Variants in NUDT16 observed in about 807,000 individuals in gnomAD.
NUDT16 encodes U8 snoRNA-decapping enzyme.
NUDT16 carries 12 observed loss-of-function variants against 11.7 expected under a neutral mutation model. The observed-to-expected ratio is 1.03, with a 90% CI of 0.66 to 1.67. The LOEUF (loss-of-function observed/expected upper bound fraction) is 1.67, where lower values mean the gene tolerates loss of function less well. Ranked by LOEUF, NUDT16 falls within the 40% of genes most tolerant of loss-of-function variation. NUDT16 has a pLI of 0.00. For synonymous variants in NUDT16, 129 were observed against 122.6 expected, an observed-to-expected ratio of 1.05 and a Z score of -0.35; for missense variants, 303 against 268.9, an observed-to-expected ratio of 1.13 and a Z score of -0.89.
At chr3:131,381,721 C>T (rs982514120), upstream of NUDT16, 24 of 1,443,688 alleles carry the variant, frequency 1.7e-5, no homozygotes, top group Admixed American at 2.3e-4. Context: ...CCTTGCAGCA[C>T]CGCCCAGGCT....
In NUDT16 at chr3:131,384,832, C is replaced by T. The variant is rs2097458946; in HGVS notation, c.*1491C>T. ...AGATGTTTTCCTAGGTGTTGGAAAA[C>T]AGGTTGATTAAGGCAACAGCAGAAG... On this transcript the variant is annotated 3_prime_UTR_variant, in exon 3 of 3. Transcript: ENST00000521288. 6.6e-6 allele frequency: 1 copy of T among 152,204 alleles called. No homozygotes were observed. Among genetic ancestry groups the T allele is most frequent in the African/African-American group, 2.4e-5 (1 of 41,392 alleles). The allele number at this position is 152,204 out of a possible 1,614,324, so 9.4% of individuals were successfully genotyped here.
Position 131,383,530 on chromosome 3 carries a change from G to T in NUDT16, c.*189G>T. Reference sequence around the variant, plus strand: ...CAACTTATGGCATCAGGGGCAAAAAGTCACAGCTTATCCCAGGCACCCTGG... The same window carrying T: ...CAACTTATGGCATCAGGGGCAAAAATTCACAGCTTATCCCAGGCACCCTGG... On this transcript the variant is annotated 3_prime_UTR_variant, in exon 3 of 3. Transcript: ENST00000521288. The surrounding 1 kb of genome is among the most constrained non-coding windows in gnomAD (Gnocchi z 4.4). 2.9e-6 allele frequency: 4 copies of T among 1,374,974 alleles called. No individual in the cohort carries two copies. Among genetic ancestry groups the T allele is most frequent in the Non-Finnish European group, 3.9e-6 (4 of 1,027,202 alleles). 85.2% of individuals were successfully genotyped at this position (1,374,974 alleles called of 1,614,324 possible).
chr3:131,383,737 C>T lies in NUDT16; in HGVS notation c.*396C>T, dbSNP rs114241756. 9.3e-3 allele frequency: 3,947 copies of T among 426,022 alleles called. 33 individuals are homozygous for T. The highest frequency in any genetic ancestry group is 0.013 in the Non-Finnish European group (3,120 of 232,184). The allele number at this position is 426,022 out of a possible 1,614,324, so 26.4% of individuals were successfully genotyped here. A position where few individuals can be genotyped will look rare whatever the true frequency, so the allele number is the denominator to read the frequency against. ...CCCTGATTGCAAGGAGCTTCTGAAG[C>T]AAGGGTGAATCCTTCCCACACTCCT... On this transcript the variant is annotated 3_prime_UTR_variant, in exon 3 of 3. Coordinates refer to ENST00000521288, the MANE Select transcript of NUDT16 (RefSeq NM_152395.3). The surrounding 1 kb of genome is among the most constrained non-coding windows in gnomAD (Gnocchi z 4.4).
rs2097461067 is a variant in NUDT16 at position 131,388,056 on chromosome 3, G to A, written c.*4715G>A. On this transcript the variant is annotated 3_prime_UTR_variant, in exon 3 of 3. Transcript: ENST00000521288. Reference sequence around the variant, plus strand: ...TGAAATGAGGTGAGAGAAAAGATAAGACATGCAGGAACAGCTGGCAACACC... The same window carrying A: ...TGAAATGAGGTGAGAGAAAAGATAAAACATGCAGGAACAGCTGGCAACACC... 6.6e-6 allele frequency: 1 copy of A among 152,158 alleles called. No homozygotes were observed. Among genetic ancestry groups the A allele is most frequent in the South Asian group, 2.1e-4 (1 of 4,820 alleles). 9.4% of individuals were successfully genotyped at this position (152,158 alleles called of 1,614,324 possible).
At chr3:131,381,751 A>T (rs1007785381), upstream of NUDT16, 1 of 1,521,482 alleles carries the variant, frequency 6.6e-7, no homozygotes, top group East Asian at 2.5e-5. Flanking sequence ...CCGAGGTGAG[A>T]CCCGCCCCTC....
chr3:131,387,965 C>G lies in NUDT16; in HGVS notation c.*4624C>G, dbSNP rs1047634383. The G allele has an allele frequency of 2.0e-5, 3 of 152,166 alleles. No individual in the cohort carries two copies. Among genetic ancestry groups the G allele is most frequent in the African/African-American group, 2.4e-5 (1 of 41,430 alleles). 9.4% of individuals were successfully genotyped at this position (152,166 alleles called of 1,614,324 possible). ...AGATGCACGTGATAAAGACCATGCT[C>G]TGGAAGATTCATTCCAAGGAGTAGA... On this transcript the variant is annotated 3_prime_UTR_variant, in exon 3 of 3. Coordinates refer to ENST00000521288, the MANE Select transcript of NUDT16 (RefSeq NM_152395.3).
rs1226920916 is a variant in NUDT16 at position 131,384,653 on chromosome 3, A to T, written c.*1312A>T. On this transcript the variant is annotated 3_prime_UTR_variant, in exon 3 of 3. Coordinates refer to ENST00000521288, the MANE Select transcript of NUDT16 (RefSeq NM_152395.3). The stretch of plus-strand genomic sequence containing the variant: ...GGAAGAGACACAGTCCTGCAGCCTC[A>T]TATGGCTCAATAAAACAGAAAGGGG... The T allele has an allele frequency of 6.6e-6, 1 of 152,260 alleles. No individual in the cohort carries two copies. Among genetic ancestry groups the T allele is most frequent in the Non-Finnish European group, 1.5e-5 (1 of 68,066 alleles). 9.4% of individuals were successfully genotyped at this position (152,260 alleles called of 1,614,324 possible).
intron 2 of NUDT16, chr3:131,382,895 G>A: frequency 1.6e-6 from 1 of 606,476 alleles, no homozygotes; most frequent in Non-Finnish European, 2.7e-6. Flanking sequence ...GACAACCACT[G>A]GTGAAAGGGT....
In NUDT16 at chr3:131,382,041, C is replaced by CGCAGAT; in HGVS notation, c.143_148dup. The CGCAGAT allele has an allele frequency of 6.3e-7, 1 of 1,579,312 alleles. No individual in the cohort carries two copies. The highest frequency in any genetic ancestry group is 1.2e-5 in the South Asian group (1 of 86,744). ...CCTGCCAATCCCCGCTTCCCCCTCC[C>CGCAGAT]GCAGATGCAGATGCGCTTCGATGGA... On this transcript the variant is annotated splice_region_variant and splice_polypyrimidine_tract_variant and intron_variant, in intron 1 of 2. Transcript: ENST00000521288.
In NUDT16 at chr3:131,384,799, T is replaced by C. The variant is rs2097458934; in HGVS notation, c.*1458T>C. 1 of 152,128 alleles carries C rather than the reference T, an allele frequency of 6.6e-6. No individual in the cohort carries two copies. The highest frequency in any genetic ancestry group is 1.9e-4 in the East Asian group (1 of 5,196). The allele number at this position is 152,128 out of a possible 1,614,324, so 9.4% of individuals were successfully genotyped here. ...GTGGGTGGAGTGTGTTCTCAGAAGG[T>C]ATGAAGTAGATGTTTTCCTAGGTGT... is the stretch of plus-strand genomic sequence containing the variant. On this transcript the variant is annotated 3_prime_UTR_variant, in exon 3 of 3. Coordinates refer to ENST00000521288, the MANE Select transcript of NUDT16 (RefSeq NM_152395.3).
chr3:131,383,508 C>T lies in NUDT16; in HGVS notation c.*167C>T, dbSNP rs1453490475. 3 of 1,467,156 alleles carry T rather than the reference C, an allele frequency of 2.0e-6. No individual in the cohort carries two copies. Among genetic ancestry groups the T allele is most frequent in the Non-Finnish European group, 2.7e-6 (3 of 1,104,250 alleles). The allele number at this position is 1,467,156 out of a possible 1,614,324, so 90.9% of individuals were successfully genotyped here. A position where few individuals can be genotyped will look rare whatever the true frequency, so the allele number is the denominator to read the frequency against. The stretch of plus-strand genomic sequence containing the variant: ...ATGTTTTGAGCAGAGGACCCTCCAA[C>T]TTATGGCATCAGGGGCAAAAAGTCA... On this transcript the variant is annotated 3_prime_UTR_variant, in exon 3 of 3. Transcript: ENST00000521288. This position sits in a 1 kb window ranked among gnomAD's most constrained non-coding sequence, Gnocchi z 4.4.
chr3:131,382,595 A>AT, intron 2 of NUDT16: 1 of 1,512,790 alleles, frequency 6.6e-7, no homozygotes. Flanking sequence ...AGTGTGATAG[A>AT]TTATCACATT....
chr3:131,383,313 C>T lies in NUDT16; in HGVS notation c.560C>T (p.Ser187Leu), dbSNP rs2097457405. 2 of 1,614,026 alleles carry T rather than the reference C, an allele frequency of 1.2e-6. No individual in the cohort carries two copies. The highest frequency in any genetic ancestry group is 2.2e-5 in the South Asian group (2 of 91,086). The change falls in exon 3 of 3, where the codon TCA (serine) becomes TTA (leucine). Residue 187 changes from serine to leucine, a missense_variant. Physicochemically the swap from Ser to Leu is moderately radical, Grantham distance 145. Transcript: ENST00000521288. The surrounding 1 kb of genome is among the most constrained non-coding windows in gnomAD (Gnocchi z 4.4). ...DLGLLQSGSI[S>L]GLKIPAHH Reference sequence around the variant, plus strand: ...GGACTGCTGCAGTCTGGCTCTATTTCAGGCCTTAAGATTCCAGCTCATCAC... The same window carrying T: ...GGACTGCTGCAGTCTGGCTCTATTTTAGGCCTTAAGATTCCAGCTCATCAC...
Position 131,387,515 on chromosome 3 carries a change from C to T in NUDT16, c.*4174C>T, listed in dbSNP as rs1051495069. The T allele has an allele frequency of 2.0e-5, 3 of 152,286 alleles. No homozygotes were observed. Among genetic ancestry groups the T allele is most frequent in the African/African-American group, 7.2e-5 (3 of 41,474 alleles). The allele number at this position is 152,286 out of a possible 1,614,324, so 9.4% of individuals were successfully genotyped here. A position where few individuals can be genotyped will look rare whatever the true frequency, so the allele number is the denominator to read the frequency against. On this transcript the variant is annotated 3_prime_UTR_variant, in exon 3 of 3. Transcript: ENST00000521288. Reference sequence around the variant, plus strand: ...CTAGCATTTTCACCAAAGTGCTGCTCATCCTGATGCACAGATGCAGATTGG... The same window carrying T: ...CTAGCATTTTCACCAAAGTGCTGCTTATCCTGATGCACAGATGCAGATTGG...
Position 131,387,161 on chromosome 3 carries a change from G to C in NUDT16, c.*3820G>C, listed in dbSNP as rs891904456. ...ACAACATGTTCAATTCTGAGGAAGA[G>C]GAGTATGGGCAGGGCAGAGGAAAAA... is the stretch of plus-strand genomic sequence containing the variant. On this transcript the variant is annotated 3_prime_UTR_variant, in exon 3 of 3. Coordinates refer to ENST00000521288, the MANE Select transcript of NUDT16 (RefSeq NM_152395.3). The C allele has an allele frequency of 1.3e-5, 2 of 152,228 alleles. No homozygotes were observed. Among genetic ancestry groups the C allele is most frequent in the African/African-American group, 4.8e-5 (2 of 41,428 alleles). 9.4% of individuals were successfully genotyped at this position (152,228 alleles called of 1,614,324 possible).
rs1016083709 is a variant in NUDT16, at chr3:131,385,695, T to C, written c.*2354T>C. On this transcript the variant is annotated 3_prime_UTR_variant, in exon 3 of 3. Coordinates refer to ENST00000521288, the MANE Select transcript of NUDT16 (RefSeq NM_152395.3). ...AGAGGTTAATTATCATCTCCTAATC[T>C]TACCCTGACCCTTTTGTCAAACGTT... 6.6e-6 allele frequency: 1 copy of C among 152,234 alleles called. No homozygotes were observed. The highest frequency in any genetic ancestry group is 1.5e-5 in the Non-Finnish European group (1 of 68,076). The allele number at this position is 152,234 out of a possible 1,614,324, so 9.4% of individuals were successfully genotyped here.
At chr3:131,382,846 C>A in intron 2 of NUDT16, 1 of 720,776 alleles carries the variant, frequency 1.4e-6, no homozygotes, top group Non-Finnish European at 2.1e-6. Flanking sequence ...CAAAAGTTCC[C>A]AAATAATGCT....
In NUDT16 at chr3:131,385,506, C is replaced by G. The variant is rs2097459409; in HGVS notation, c.*2165C>G. 6.6e-6 allele frequency: 1 copy of G among 152,590 alleles called. No homozygotes were observed. The highest frequency in any genetic ancestry group is 1.5e-5 in the Non-Finnish European group (1 of 68,348). 9.5% of individuals were successfully genotyped at this position (152,590 alleles called of 1,614,324 possible). ...GGCACCTGCCAGAGGGGAAAGCAGG[C>G]ATGACAGGATAGCATCTCCCAGGTG... On this transcript the variant is annotated 3_prime_UTR_variant, in exon 3 of 3. Transcript: ENST00000521288.
chr3:131,382,228 G>A lies in NUDT16; in HGVS notation c.321G>A (p.Val107=). Residue 107 remains valine (V), a synonymous_variant, in exon 2 of 3, where the codon GTG becomes GTA. Transcript: ENST00000521288. ...ACGTCGGGTCAGGGCCACGCGTTGTGGCCCACTTCTATGCCAAGCGTCTGA... is the reference window on the plus strand; with the variant it reads ...ACGTCGGGTCAGGGCCACGCGTTGTAGCCCACTTCTATGCCAAGCGTCTGA... ...SSHVGSGPRV[V]AHFYAKRLTL... 6.2e-7 allele frequency: 1 copy of A among 1,610,318 alleles called. No individual in the cohort carries two copies. Among genetic ancestry groups the A allele is most frequent in the East Asian group, 2.2e-5 (1 of 44,834 alleles).
Sources: gnomAD v4.1 joint callset for allele counts on GRCh38, gnomAD v4.1.1 for gene constraint, Gnocchi (gnomAD v3.1) non-coding constraint, MANE v1.5 for transcripts, NCBI Gene and HGNC (gene_info 2026-07-23, HGNC 2026-07-21) for gene names.